GALNTL6: variants seen among roughly 807,000 people sequenced by gnomAD.
The protein encoded by GALNTL6 is polypeptide N-acetylgalactosaminyltransferase-like 6.
GALNTL6 carries 46 observed loss-of-function variants against 73.7 expected under a neutral mutation model. The observed-to-expected ratio is 0.62, with a 90% CI of 0.49 to 0.80. The LOEUF (loss-of-function observed/expected upper bound fraction) is 0.80. Ranked by LOEUF, GALNTL6 falls within the 30% of genes least tolerant of loss-of-function variation. The pLI is 0.00. For missense variants in GALNTL6, 604 were observed against 755.0 expected (o/e 0.80, Z 2.34); for synonymous variants, 259 against 263.7 (o/e 0.98, Z 0.17).
chr4:172,749,250 T>G (rs1037167759), intron 5 of GALNTL6, among the ~76,000 whole-genome samples: 7 of 152,192 alleles, frequency 4.6e-5, no homozygotes, highest in Admixed American at 3.3e-4. Context: ...ATGTTTATGC[T>G]TGGTCTATCC....
At chr4:173,004,368 C>G (rs1160091249) in intron 10 of GALNTL6, among the ~76,000 whole-genome samples, 1 of 152,194 alleles carries the variant, frequency 6.6e-6, no homozygotes, top group Non-Finnish European at 1.5e-5. Flanking sequence ...TGGCTCACGC[C>G]TATAATCCCA....
At chr4:171,998,433 CCT>C (rs747107076) in intron 2 of GALNTL6, among the ~76,000 whole-genome samples, 2 of 152,062 alleles carry the variant, frequency 1.3e-5, no homozygotes, top group Non-Finnish European at 2.9e-5. Flanking sequence ...GTCTTGAACT[CCT>C]CTTATAAAAA....
At chr4:172,738,481 T>A (rs1057449020) in intron 5 of GALNTL6, among the ~76,000 whole-genome samples, 32 of 152,278 alleles carry the variant, frequency 2.1e-4, no homozygotes, top group African/African-American at 6.7e-4. Flanking sequence ...AAAAATATAT[T>A]TTTTTAATAA....
chr4:172,295,945 T>C (rs1739657673), intron 3 of GALNTL6, among the ~76,000 whole-genome samples: 1 of 152,114 alleles, frequency 6.6e-6, no homozygotes, highest in African/African-American at 2.4e-5. Context: ...TACATATATA[T>C]AGCTTTTATT....
intron 2 of GALNTL6, among the ~76,000 whole-genome samples, chr4:172,218,056 G>A (rs1420456471): frequency 2.0e-5 from 3 of 151,950 alleles, no homozygotes; most frequent in Non-Finnish European, 4.4e-5. Context: ...TACTATGATG[G>A]GAAGGGATGG....
intron 2 of GALNTL6, among the ~76,000 whole-genome samples, chr4:171,887,564 G>A (rs1457545089): frequency 6.6e-6 from 1 of 152,112 alleles, no homozygotes; most frequent in Non-Finnish European, 1.5e-5. Context: ...CTAACACAGT[G>A]GTAAGATAAT....
intron 2 of GALNTL6, among the ~76,000 whole-genome samples, chr4:171,942,219 G>A (rs1193391318): frequency 6.4e-5 from 4 of 62,886 alleles, no homozygotes; most frequent in South Asian, 5.3e-4. Flanking sequence ...GGTGAAACCC[G>A]GTCTCCAATA....
chr4:172,752,346 C>A (rs1479590967), intron 5 of GALNTL6, among the ~76,000 whole-genome samples: 1 of 151,972 alleles, frequency 6.6e-6, no homozygotes, highest in Non-Finnish European at 1.5e-5. Context: ...ATTCAGCACA[C>A]CCAAACAATA....
In GALNTL6 at chr4:172,177,860, C is replaced by T. The variant is rs531035794; in HGVS notation, c.139-51796C>T. Among the ~76,000 whole-genome samples, 57 of 142,934 alleles carry T rather than the reference C, an allele frequency of 4.0e-4. 1 individual carries two copies. The highest frequency in any genetic ancestry group is 1.4e-3 in the African/African-American group (54 of 39,478). 93.8% of individuals were successfully genotyped at this position (142,934 alleles called of 152,430 possible). ...ATATATATGTGTATATATATACACA[C>T]ATACTAAGGCATGCTAATCGTGAAG... On this transcript the variant is annotated intron_variant, in intron 2 of 12. Coordinates refer to ENST00000506823, the MANE Select transcript of GALNTL6 (RefSeq NM_001034845.3).
chr4:172,934,808 G>T (rs138819059), intron 9 of GALNTL6, among the ~76,000 whole-genome samples: 34 of 152,360 alleles, frequency 2.2e-4, no homozygotes, highest in African/African-American at 8.2e-4. Context: ...AAGGTCCACT[G>T]AGTGTCGCTT....
intron 2 of GALNTL6, among the ~76,000 whole-genome samples, chr4:172,032,065 T>A (rs1470819842): frequency 6.6e-6 from 1 of 152,046 alleles, no homozygotes. Context: ...CAAAAACCAG[T>A]AAAGGAGTAA....
intron 5 of GALNTL6, among the ~76,000 whole-genome samples, chr4:172,791,560 C>T (rs1739995228): frequency 6.6e-6 from 1 of 152,020 alleles, no homozygotes; most frequent in South Asian, 2.1e-4. Flanking sequence ...TGAGTGGTTT[C>T]CTTAGAAAAT....
intron 2 of GALNTL6, among the ~76,000 whole-genome samples, chr4:171,900,238 A>C (rs1737044974): frequency 6.6e-6 from 1 of 152,144 alleles, no homozygotes; most frequent in Non-Finnish European, 1.5e-5. Flanking sequence ...TTTTTCATGA[A>C]TACACAATTC....
At chr4:172,438,515 C>T (rs1426165739) in intron 5 of GALNTL6, among the ~76,000 whole-genome samples, 1 of 152,046 alleles carries the variant, frequency 6.6e-6, no homozygotes. Flanking sequence ...TTCAATTCAT[C>T]ATTATATATT....
chr4:171,856,151 G>C (rs1345307400), intron 2 of GALNTL6, among the ~76,000 whole-genome samples: 1 of 152,138 alleles, frequency 6.6e-6, no homozygotes, highest in East Asian at 1.9e-4. Flanking sequence ...CACCCAGGCT[G>C]GAGTGCAGTG....
At chr4:172,536,298 C>T (rs1456921176) in intron 5 of GALNTL6, among the ~76,000 whole-genome samples, 1 of 151,982 alleles carries the variant, frequency 6.6e-6, no homozygotes, top group Non-Finnish European at 1.5e-5. Context: ...GTAAAGATAC[C>T]CAAAAATGTG....
chr4:172,616,123 C>T (rs998087621), intron 5 of GALNTL6, among the ~76,000 whole-genome samples: 1 of 152,144 alleles, frequency 6.6e-6, no homozygotes. Context: ...ATTTCTGTCC[C>T]TTCATAAAGA....
At chr4:172,432,075 C>T (rs999330473) in intron 5 of GALNTL6, among the ~76,000 whole-genome samples, 2 of 152,018 alleles carry the variant, frequency 1.3e-5, no homozygotes, top group Admixed American at 1.3e-4. Flanking sequence ...CTTTCTAGCT[C>T]CACACATCAT....
chr4:172,469,232 T>A (rs1012750269), intron 5 of GALNTL6, among the ~76,000 whole-genome samples: 2 of 152,130 alleles, frequency 1.3e-5, no homozygotes, highest in Non-Finnish European at 2.9e-5. Flanking sequence ...ATGGAAAATA[T>A]GCATGGATAT....
Sources: allele counts gnomAD v4.1 joint callset (sites outside exome capture counted in the v4.1 genomes callset), GRCh38; gene constraint gnomAD v4.1.1; transcripts MANE v1.5; gene names NCBI Gene and HGNC (gene_info 2026-07-23, HGNC 2026-07-21).